Variants in KCNQ5 observed in about 807,000 individuals in gnomAD.
KCNQ5 encodes potassium voltage-gated channel subfamily KQT member 5.
A neutral mutation model predicts 98.2 loss-of-function variants in KCNQ5; 30 were observed. The observed-to-expected ratio is 0.31, with a 90% CI of 0.23 to 0.41. The LOEUF is 0.41. Among genes scored for constraint, KCNQ5 ranks in the 10% least tolerant of loss-of-function variants. KCNQ5 has a pLI of 1.00. For missense variants in KCNQ5, 835 were observed against 1,182.5 expected (o/e 0.71, Z 4.31); for synonymous variants, 458 against 449.4 (o/e 1.02, Z -0.24).
intron 10 of KCNQ5, among the ~76,000 whole-genome samples, chr6:73,156,197 A>G (rs1777356372): frequency 6.6e-6 from 1 of 152,112 alleles, no homozygotes; most frequent in African/African-American, 2.4e-5. Context: ...GAAAGAAGGA[A>G]CCCTTGGAAA....
chr6:72,954,392 C>G (rs1554190044), intron 1 of KCNQ5, among the ~76,000 whole-genome samples: 1 of 152,150 alleles, frequency 6.6e-6, no homozygotes, highest in Non-Finnish European at 1.5e-5. Context: ...AAAAATACTG[C>G]AGGAAAGCAG....
intron 1 of KCNQ5, among the ~76,000 whole-genome samples, chr6:72,946,779 C>A (rs150341757): frequency 1.3e-5 from 2 of 152,266 alleles, no homozygotes; most frequent in African/African-American, 4.8e-5. Flanking sequence ...GACTATTGAA[C>A]AACTTGCACT....
chr6:72,929,031 C>A (rs1162942962), intron 1 of KCNQ5, among the ~76,000 whole-genome samples: 1 of 152,066 alleles, frequency 6.6e-6, no homozygotes, highest in Non-Finnish European at 1.5e-5. Flanking sequence ...ATAGAGAGAT[C>A]ACTATGATTA....
At chr6:72,831,924 G>A (rs1282602098) in intron 1 of KCNQ5, among the ~76,000 whole-genome samples, 9 of 151,872 alleles carry the variant, frequency 5.9e-5, no homozygotes, top group Non-Finnish European at 1.5e-5. Flanking sequence ...AGAGATGTTG[G>A]GGGCTAACAG....
intron 3 of KCNQ5, among the ~76,000 whole-genome samples, chr6:73,075,693 C>T (rs1473682730): frequency 2.0e-5 from 3 of 152,138 alleles, no homozygotes; most frequent in Non-Finnish European, 4.4e-5. Flanking sequence ...AGTGGTAACT[C>T]TCTTTGGCTC....
rs936777266 is a variant in KCNQ5 at position 72,866,432 on chromosome 6, T to A, written c.399-137476T>A. 1.9e-4 allele frequency among the ~76,000 whole-genome samples: 29 copies of A among 152,014 alleles called. No individual in the cohort carries two copies. The South Asian group carries it at 2.1e-3, about 11-fold the overall frequency. On this transcript the variant is annotated intron_variant, in intron 1 of 13. Coordinates refer to ENST00000370398, the MANE Select transcript of KCNQ5 (RefSeq NM_019842.4). ...ACCATGCCTGGCTAATTTTTTGTAT[T>A]TAGTAGAGATGGGGGTTTCACAATG...
At chr6:72,658,578 A>ATATATATATATTTTTTTT (rs1226386362) in intron 1 of KCNQ5, among the ~76,000 whole-genome samples, 1 of 76,380 alleles carries the variant, frequency 1.3e-5, no homozygotes, top group Non-Finnish European at 2.8e-5. Context: ...ATATATATAT[A>ATATATATATATTTTTTTT]TTTTTTTTTT....
At chr6:72,705,449 T>C (rs1026875939) in intron 1 of KCNQ5, among the ~76,000 whole-genome samples, 2 of 152,188 alleles carry the variant, frequency 1.3e-5, no homozygotes, top group African/African-American at 2.4e-5. Context: ...TGCTTCTTTG[T>C]GAAAGCTTCA....
At chr6:73,002,780 T>C (rs1213651367) in intron 1 of KCNQ5, among the ~76,000 whole-genome samples, 1 of 152,164 alleles carries the variant, frequency 6.6e-6, no homozygotes, top group Non-Finnish European at 1.5e-5. Context: ...TGTGTGCTGA[T>C]AAAACTTTAT....
chr6:73,055,014 A>G (rs1772407354), intron 3 of KCNQ5: 2 of 489,292 alleles, frequency 4.1e-6, no homozygotes, highest in South Asian at 2.0e-5. Flanking sequence ...AAGTCAATGT[A>G]CAAAAATCAG....
intron 1 of KCNQ5, among the ~76,000 whole-genome samples, chr6:72,997,558 G>C (rs1338174571): frequency 6.6e-6 from 1 of 151,052 alleles, no homozygotes; most frequent in Non-Finnish European, 1.5e-5. Flanking sequence ...GGCGGATCAC[G>C]AGGTCAGAAG....
chr6:72,859,166 C>G (rs1777653886), intron 1 of KCNQ5, among the ~76,000 whole-genome samples: 1 of 152,054 alleles, frequency 6.6e-6, no homozygotes, highest in African/African-American at 2.4e-5. Context: ...ATGACACAGA[C>G]AGTTTTATTA....
chr6:72,921,998 G>T (rs1375979103), intron 1 of KCNQ5, among the ~76,000 whole-genome samples: 1 of 152,124 alleles, frequency 6.6e-6, no homozygotes. Context: ...AAAGGTTGTG[G>T]GTGGGAGAGA....
intron 11 of KCNQ5, among the ~76,000 whole-genome samples, chr6:73,188,654 A>G (rs1224614796): frequency 1.3e-5 from 2 of 152,208 alleles, no homozygotes; most frequent in East Asian, 3.9e-4. Context: ...AGTGGTAACA[A>G]CAATAGCTAA....
At chr6:72,886,726 A>G (rs1778858969) in intron 1 of KCNQ5, among the ~76,000 whole-genome samples, 1 of 152,214 alleles carries the variant, frequency 6.6e-6, no homozygotes, top group Non-Finnish European at 1.5e-5. Flanking sequence ...GACAATTCTT[A>G]GCAATAACGG....
intron 1 of KCNQ5, among the ~76,000 whole-genome samples, chr6:72,700,636 A>T (rs1479204234): frequency 1.3e-5 from 2 of 152,222 alleles, no homozygotes; most frequent in Non-Finnish European, 2.9e-5. Flanking sequence ...AAATTCTAGC[A>T]GATACAAGAT....
At chr6:73,020,793 G>A (rs1214972714) in intron 2 of KCNQ5, among the ~76,000 whole-genome samples, 1 of 151,976 alleles carries the variant, frequency 6.6e-6, no homozygotes, top group African/African-American at 2.4e-5. Context: ...GAAACAAGGA[G>A]GAAGACCAAA....
At chr6:72,972,506 C>A (rs547592420) in intron 1 of KCNQ5, among the ~76,000 whole-genome samples, 1 of 152,038 alleles carries the variant, frequency 6.6e-6, no homozygotes, top group African/African-American at 2.4e-5. Context: ...CCCCTACCCC[C>A]CAACAAGCCC....
chr6:72,930,116 A>T (rs1443984232), intron 1 of KCNQ5, among the ~76,000 whole-genome samples: 1 of 151,948 alleles, frequency 6.6e-6, no homozygotes, highest in Non-Finnish European at 1.5e-5. Flanking sequence ...ATCTTTGCAG[A>T]GGTCATATTT....
Sources: allele counts gnomAD v4.1 joint callset (sites outside exome capture counted in the v4.1 genomes callset), GRCh38; gene constraint gnomAD v4.1.1; transcripts MANE v1.5; gene names NCBI Gene and HGNC (gene_info 2026-07-23, HGNC 2026-07-21).